Variants in PID1 observed in about 807,000 individuals in gnomAD.
PID1 encodes the protein PTB-containing, cubilin and LRP1-interacting protein.
A neutral mutation model predicts 19.1 loss-of-function variants in PID1; 10 were observed. That is an observed-to-expected ratio of 0.52 (90% CI 0.32 to 0.89). The LOEUF is 0.89. PID1 is among the 40% of genes least tolerant of loss of function. PID1 has a pLI of 0.03. For missense variants in PID1, 248 were observed against 285.3 expected, an observed-to-expected ratio of 0.87 and a Z score of 0.94; for synonymous variants, 130 against 116.0, an observed-to-expected ratio of 1.12 and a Z score of -0.78.
chr2:229,148,949 T>C (rs1690191882), intron 2 of PID1, among the ~76,000 whole-genome samples: 1 of 151,722 alleles, frequency 6.6e-6, no homozygotes, highest in Admixed American at 6.6e-5. Context: ...TACAGGAAAG[T>C]GTAAGAAAGA....
At chr2:229,137,637 T>C (rs1009719292) in intron 2 of PID1, among the ~76,000 whole-genome samples, 1 of 152,184 alleles carries the variant, frequency 6.6e-6, no homozygotes, top group Non-Finnish European at 1.5e-5. Context: ...GCTGAAAGAC[T>C]TACAAAAATA....
chr2:229,175,623 A>C (rs1690804655), intron 1 of PID1, among the ~76,000 whole-genome samples: 1 of 152,238 alleles, frequency 6.6e-6, no homozygotes. Context: ...AACTGAATGA[A>C]GTGAAAACAT....
chr2:229,255,082 G>A (rs766972913), intron 1 of PID1, among the ~76,000 whole-genome samples: 41 of 152,092 alleles, frequency 2.7e-4, no homozygotes, highest in Non-Finnish European at 5.4e-4. Flanking sequence ...ACGGGAAGGG[G>A]GTCAAATGGA....
chr2:229,119,837 A>T (rs1279968777), intron 2 of PID1, among the ~76,000 whole-genome samples: 3 of 152,166 alleles, frequency 2.0e-5, no homozygotes, highest in African/African-American at 4.8e-5. Flanking sequence ...GGCCTCACGT[A>T]ATCTGTTGAG....
chr2:229,164,343 C>T (rs1690556169), intron 1 of PID1, among the ~76,000 whole-genome samples: 1 of 151,948 alleles, frequency 6.6e-6, no homozygotes. Context: ...TTGACTCCTA[C>T]CTGTATTTAA....
intron 2 of PID1, among the ~76,000 whole-genome samples, chr2:229,075,453 A>C (rs1267795703): frequency 1.3e-5 from 2 of 152,192 alleles, no homozygotes; most frequent in African/African-American, 2.4e-5. Context: ...GTGAACACTG[A>C]CTACTTTTAT....
chr2:229,220,905 T>TG (rs1396628114), intron 1 of PID1, among the ~76,000 whole-genome samples: 1 of 151,566 alleles, frequency 6.6e-6, no homozygotes, highest in Non-Finnish European at 1.5e-5. Context: ...GATATTTTAG[T>TG]GAAAAAAAAA....
chr2:229,122,008 G>C (rs1409188286), intron 2 of PID1, among the ~76,000 whole-genome samples: 2 of 152,154 alleles, frequency 1.3e-5, no homozygotes, highest in Admixed American at 6.6e-5. Flanking sequence ...TCTCATTCTA[G>C]AAGAGGCCTG....
intron 2 of PID1, among the ~76,000 whole-genome samples, chr2:229,139,155 G>GAAAGAAAGAA (rs1559252010): frequency 8.9e-6 from 1 of 112,746 alleles, no homozygotes. Context: ...GAAAGCAAGC[G>GAAAGAAAGAA]AGCGAGCAAG....
chr2:229,204,964 C>A (rs112380404), intron 1 of PID1, among the ~76,000 whole-genome samples: 1 of 152,020 alleles, frequency 6.6e-6, no homozygotes, highest in Non-Finnish European at 1.5e-5. Context: ...TTGGTATTTA[C>A]GTTATTAAGA....
intron 1 of PID1, among the ~76,000 whole-genome samples, chr2:229,209,163 A>G (rs375376514): frequency 1.5e-4 from 23 of 152,326 alleles, no homozygotes; most frequent in African/African-American, 5.5e-4. Flanking sequence ...GGCTTGCTAC[A>G]GTTTTAAAAT....
intron 2 of PID1, among the ~76,000 whole-genome samples, chr2:229,105,570 G>A (rs1490872338): frequency 6.6e-6 from 1 of 152,222 alleles, no homozygotes; most frequent in Non-Finnish European, 1.5e-5. Context: ...TTCACCTGCT[G>A]AGTACTGTCA....
rs544314719 is a variant in PID1 at position 229,150,743 on chromosome 2, T to C, written c.177+5075A>G. 2.0e-5 allele frequency among the ~76,000 whole-genome samples: 3 copies of C among 152,128 alleles called. No individual in the cohort carries two copies. The East Asian group carries it at 5.8e-4, about 29-fold the overall frequency. ...AACAGTATAAGCACTGTGGAACGGG[T>C]ATTGTACAGCATCCACACGGCCATA... On this transcript the variant is annotated intron_variant, in intron 2 of 2. Transcript: ENST00000392055.
At chr2:229,185,771 G>A (rs1691116812) in intron 1 of PID1, among the ~76,000 whole-genome samples, 1 of 152,136 alleles carries the variant, frequency 6.6e-6, no homozygotes, top group Non-Finnish European at 1.5e-5. Context: ...AATTGAAGAT[G>A]AGATTTTGGG....
At chr2:229,129,435 G>C (rs1053797272) in intron 2 of PID1, among the ~76,000 whole-genome samples, 13 of 149,156 alleles carry the variant, frequency 8.7e-5, no homozygotes, top group Non-Finnish European at 1.6e-4. Flanking sequence ...AAAAAAGAGA[G>C]AGAGAGGCTC....
intron 1 of PID1, among the ~76,000 whole-genome samples, chr2:229,192,299 G>A (rs923230060): frequency 1.1e-4 from 16 of 152,080 alleles, no homozygotes; most frequent in African/African-American, 3.4e-4. Context: ...TTTGTAAGGT[G>A]CACCTACACT....
rs572690951 is a variant in PID1, at chr2:229,079,083, A to G, written c.178-52975T>C. ...ACAAAAAGGGAGGAAATAAATTGAAAAAAGCAAAAAGTAGATTATTTAAAA... is the reference window on the plus strand; with the variant it reads ...ACAAAAAGGGAGGAAATAAATTGAAGAAAGCAAAAAGTAGATTATTTAAAA... On this transcript the variant is annotated intron_variant, in intron 2 of 2. Transcript: ENST00000392055. Among the ~76,000 whole-genome samples the G allele has an allele frequency of 3.4e-4, 52 of 152,332 alleles. 1 individual carries two copies. The highest frequency in any genetic ancestry group is 1.2e-3 in the African/African-American group (51 of 41,584).
intron 2 of PID1, among the ~76,000 whole-genome samples, chr2:229,056,612 A>T (rs6750912): frequency 0.29 from 42,433 of 148,138 alleles, 6,764 homozygotes; most frequent in Non-Finnish European, 0.36. Context: ...AAATAAAAAT[A>T]ATATATATAT....
At chr2:229,039,591 T>C (rs1033066834) in intron 2 of PID1, among the ~76,000 whole-genome samples, 1 of 152,212 alleles carries the variant, frequency 6.6e-6, no homozygotes, top group African/African-American at 2.4e-5. Context: ...ATATATTTGG[T>C]AGAAAACTGA....
Sources: gnomAD v4.1 joint callset for allele counts (sites outside exome capture counted in the v4.1 genomes callset) on GRCh38, gnomAD v4.1.1 for gene constraint, MANE v1.5 for transcripts, NCBI Gene and HGNC (gene_info 2026-07-23, HGNC 2026-07-21) for gene names.